The following TMCC1 variants were observed in gnomAD, a reference collection of about 807,000 sequenced individuals.
TMCC1 encodes transmembrane and coiled-coil domain family 1.
TMCC1 carries 15 observed loss-of-function variants against 52.4 expected under a neutral mutation model. The ratio of observed to expected loss-of-function variants is 0.29; its 90% CI spans 0.19 to 0.44. TMCC1 has a LOEUF of 0.44. TMCC1 is among the 20% of genes least tolerant of loss of function. TMCC1 has a pLI of 1.00. For synonymous variants in TMCC1, 279 were observed against 301.9 expected (o/e 0.92, Z 0.79); for missense variants, 503 against 806.0 (o/e 0.62, Z 4.55).
At chr3:129,793,666 C>T (rs1422016400) in intron 4 of TMCC1, among the ~76,000 whole-genome samples, 1 of 152,132 alleles carries the variant, frequency 6.6e-6, no homozygotes, top group African/African-American at 2.4e-5. Context: ...AATCACCATC[C>T]CCTCTTAAAT....
rs1007972906 is a variant in TMCC1 at position 129,651,428 on chromosome 3, C to T, written c.*53G>A. On this transcript the variant is annotated 3_prime_UTR_variant, in exon 7 of 7. Transcript: ENST00000393238. The surrounding 1 kb of genome is among the most constrained non-coding windows in gnomAD (Gnocchi z 5.1). ...AGAGTAGGTAAGTTGCTGTCTAACT[C>T]TCTGCTGCATGCACTCGCCAGAGGG... 1.9e-6 allele frequency: 3 copies of T among 1,558,380 alleles called. No individual in the cohort carries two copies. The highest frequency in any genetic ancestry group is 2.7e-5 in the African/African-American group (2 of 73,370).
At chr3:129,826,998 G>A (rs745678950) in intron 4 of TMCC1, among the ~76,000 whole-genome samples, 1 of 152,072 alleles carries the variant, frequency 6.6e-6, no homozygotes, top group Non-Finnish European at 1.5e-5. Context: ...AAAATCAGAA[G>A]CTCTGGCAAG....
chr3:129,773,001 T>C (rs1451992790), intron 4 of TMCC1, among the ~76,000 whole-genome samples: 1 of 152,160 alleles, frequency 6.6e-6, no homozygotes, highest in African/African-American at 2.4e-5. Flanking sequence ...AAAGTTACCC[T>C]CACTCTAGCA....
At chr3:129,795,827 G>A (rs891643803) in intron 4 of TMCC1, among the ~76,000 whole-genome samples, 1 of 152,138 alleles carries the variant, frequency 6.6e-6, no homozygotes, top group African/African-American at 2.4e-5. Context: ...GCTCCCACCC[G>A]CTAGTCACTG....
intron 2 of TMCC1, among the ~76,000 whole-genome samples, chr3:129,865,243 C>T (rs577654131): frequency 6.6e-6 from 1 of 152,176 alleles, no homozygotes; most frequent in African/African-American, 2.4e-5. Flanking sequence ...CTCACTGCAA[C>T]CTCCACCTCC....
intron 1 of TMCC1, among the ~76,000 whole-genome samples, chr3:129,881,502 A>T (rs895535611): frequency 2.0e-5 from 3 of 149,506 alleles, no homozygotes; most frequent in East Asian, 1.9e-4. Flanking sequence ...ATAATCATAT[A>T]AAAAAAACAT....
At chr3:129,794,361 A>C in intron 4 of TMCC1, 1 of 456,286 alleles carries the variant, frequency 2.2e-6, no homozygotes, top group South Asian at 1.5e-5. Context: ...GCGCTGAACC[A>C]TGATCACCCA....
chr3:129,727,865 T>C (rs143189490), intron 4 of TMCC1, among the ~76,000 whole-genome samples: 22 of 152,324 alleles, frequency 1.4e-4, no homozygotes, highest in Non-Finnish European at 2.9e-4. Flanking sequence ...AAACAGAGAC[T>C]TGTTAAGTTC....
At chr3:129,761,433 G>A (rs2053589127) in intron 4 of TMCC1, among the ~76,000 whole-genome samples, 1 of 151,914 alleles carries the variant, frequency 6.6e-6, no homozygotes, top group Non-Finnish European at 1.5e-5. Context: ...CCCTCACACA[G>A]GGTCTTGCCT....
At chr3:129,732,827 G>C (rs948820978) in intron 4 of TMCC1, among the ~76,000 whole-genome samples, 1 of 152,188 alleles carries the variant, frequency 6.6e-6, no homozygotes, top group African/African-American at 2.4e-5. Flanking sequence ...CATGGTGCAA[G>C]AGAACAGAGG....
Position 129,768,628 on chromosome 3 carries a change from T to C in TMCC1, c.576+59175A>G, listed in dbSNP as rs538920179. ...GAAAAACATGGATCTGGTTTAGGAC[T>C]GTGCACATAGTCCCGAATGAAATAC... On this transcript the variant is annotated intron_variant, in intron 4 of 6. Transcript: ENST00000393238. 1.9e-3 allele frequency among the ~76,000 whole-genome samples: 297 copies of C among 152,342 alleles called. 4 individuals are homozygous for C. The highest frequency in any genetic ancestry group is 6.7e-3 in the African/African-American group (278 of 41,580).
Position 129,794,737 on chromosome 3 carries a change from C to T in TMCC1, c.576+33066G>A, listed in dbSNP as rs11915018. Among the ~76,000 whole-genome samples the T allele has an allele frequency of 9.6e-3, 1,455 of 152,154 alleles. 23 individuals are homozygous for T. Among genetic ancestry groups the T allele is most frequent in the African/African-American group, 0.033 (1,369 of 41,512 alleles). ...ACTCCAGAGGACAGACCTGATGTTC[C>T]GGTCTCTGTGGGAGGAGGAGTGGTG... On this transcript the variant is annotated intron_variant, in intron 4 of 6. Transcript: ENST00000393238.
At chr3:129,870,926 C>G (rs1397165335) in intron 2 of TMCC1, among the ~76,000 whole-genome samples, 5 of 152,032 alleles carry the variant, frequency 3.3e-5, no homozygotes, top group Non-Finnish European at 7.4e-5. Context: ...ACTATTACTT[C>G]TTTTAATCTA....
chr3:129,709,704 T>C lies in TMCC1; in HGVS notation c.577-38440A>G, dbSNP rs370828220. Among the ~76,000 whole-genome samples, 7 of 152,086 alleles carry C rather than the reference T, an allele frequency of 4.6e-5. No homozygotes were observed. The East Asian group carries it at 1.4e-3, about 29-fold the overall frequency. ...ACCATCTGAAGTGTCAACGAATACA[T>C]ACTGACTTCTGCTTGTATTTTTGGG... On this transcript the variant is annotated intron_variant, in intron 4 of 6. Transcript: ENST00000393238.
intron 4 of TMCC1, among the ~76,000 whole-genome samples, chr3:129,724,760 C>T (rs528216077): frequency 1.3e-4 from 20 of 152,218 alleles, no homozygotes; most frequent in African/African-American, 4.1e-4. Context: ...TTTATGGTGT[C>T]CCTTATACTA....
chr3:129,711,557 A>T (rs1157634086), intron 4 of TMCC1, among the ~76,000 whole-genome samples: 1 of 152,112 alleles, frequency 6.6e-6, no homozygotes, highest in Non-Finnish European at 1.5e-5. Context: ...ATTTAAAGAA[A>T]TCCTAGGCCA....
chr3:129,702,435 C>T (rs748908936), intron 4 of TMCC1, among the ~76,000 whole-genome samples: 5 of 152,036 alleles, frequency 3.3e-5, no homozygotes, highest in Non-Finnish European at 5.9e-5. Flanking sequence ...TAAAGTAAAT[C>T]ATTAAAATTT....
intron 4 of TMCC1, among the ~76,000 whole-genome samples, chr3:129,825,694 A>G (rs1382187953): frequency 6.6e-6 from 1 of 152,248 alleles, no homozygotes; most frequent in Non-Finnish European, 1.5e-5. Context: ...AAAAGACTGC[A>G]TGATCTAATT....
intron 2 of TMCC1, among the ~76,000 whole-genome samples, chr3:129,861,733 GA>G (rs1220148920): frequency 6.6e-6 from 1 of 152,180 alleles, no homozygotes; most frequent in African/African-American, 2.4e-5. Context: ...AAGAGAAGTA[GA>G]AATTAGAACC....
Sources: gnomAD v4.1 joint callset for allele counts (sites outside exome capture counted in the v4.1 genomes callset) on GRCh38, gnomAD v4.1.1 for gene constraint, Gnocchi (gnomAD v3.1) non-coding constraint, MANE v1.5 for transcripts, NCBI Gene and HGNC (gene_info 2026-07-23, HGNC 2026-07-21) for gene names.